The following CDH1 variants were observed in gnomAD, a reference collection of about 807,000 sequenced individuals.
CDH1 encodes cadherin-1.
A neutral mutation model predicts 84.5 loss-of-function variants in CDH1; 35 were observed. The observed-to-expected ratio is 0.41, with a 90% CI of 0.32 to 0.55. CDH1 has a LOEUF of 0.55. CDH1 is among the 20% of genes least tolerant of loss of function. The probability of loss-of-function intolerance (pLI) is 0.19; values close to 1 mark genes in which losing one functional copy is unlikely to be tolerated. For synonymous variants in CDH1, 417 were observed against 439.0 expected, an observed-to-expected ratio of 0.95 and a Z score of 0.63; for missense variants, 994 against 1,126.6, an observed-to-expected ratio of 0.88 and a Z score of 1.68.
At chr16:68,745,548 A>AT (rs1260666737) in intron 2 of CDH1, among the ~76,000 whole-genome samples, 3,183 of 72,906 alleles carry the variant, frequency 0.044, 244 homozygotes, top group African/African-American at 0.13. Flanking sequence ...AAAAAAAAAA[A>AT]AATATATATA....
At position 68,786,121 on chromosome 16, in the gene CDH1, C is replaced by T. The variant is rs535199297; in HGVS notation, c.164-15549C>T. On this transcript the variant is annotated intron_variant, in intron 2 of 15. Coordinates refer to ENST00000261769, the MANE Select transcript of CDH1 (RefSeq NM_004360.5). ...GAGTCAGATTCTGGCACCTGTGGGT[C>T]ACTCTTCTTCATGCTCTTTTCTTTT... Among the ~76,000 whole-genome samples, 8 of 152,120 alleles carry T rather than the reference C, an allele frequency of 5.3e-5. No homozygotes were observed. The South Asian group carries it at 1.7e-3, about 32-fold the overall frequency.
chr16:68,821,267 G>T (rs1961135575), intron 11 of CDH1, among the ~76,000 whole-genome samples: 1 of 152,050 alleles, frequency 6.6e-6, no homozygotes, highest in Non-Finnish European at 1.5e-5. Flanking sequence ...GAGCTCAAGA[G>T]TTCAAGACCA....
chr16:68,767,733 T>C (rs989926704), intron 2 of CDH1, among the ~76,000 whole-genome samples: 3 of 152,222 alleles, frequency 2.0e-5, no homozygotes, highest in Admixed American at 6.5e-5. Flanking sequence ...AGATGCATAA[T>C]TGCATAATAG....
intron 2 of CDH1, among the ~76,000 whole-genome samples, chr16:68,761,779 G>A (rs774550380): frequency 2.6e-5 from 4 of 152,100 alleles, no homozygotes; most frequent in East Asian, 1.9e-4. Context: ...AGGGGAGGGC[G>A]TTCTAGATGG....
chr16:68,821,910 C>T (rs530904694), intron 11 of CDH1, 91 bp from the exon 12 acceptor site: 16 of 1,027,514 alleles, frequency 1.6e-5, no homozygotes, highest in African/African-American at 1.3e-4. Context: ...CACTGAAGAG[C>T]CAGGACAAGA....
chr16:68,806,927 A>G (rs147715602), intron 3 of CDH1, among the ~76,000 whole-genome samples: 1 of 152,280 alleles, frequency 6.6e-6, no homozygotes, highest in Non-Finnish European at 1.5e-5. Context: ...ACCTGGTCAT[A>G]TCTCACATGT....
intron 13 of CDH1, among the ~76,000 whole-genome samples, chr16:68,827,117 A>G (rs1199876540): frequency 6.6e-6 from 1 of 152,046 alleles, no homozygotes; most frequent in Non-Finnish European, 1.5e-5. Context: ...CTAAAAATAC[A>G]AAAATTAGCT....
rs1961582984 is a variant in CDH1 at position 68,834,364 on chromosome 16, G to A, written c.*865G>A. ...TGTAACCTCAAACTCTGGGGCTCAA[G>A]CAGTTCTCCCACCAGCCTCCTTTTT... On this transcript the variant is annotated 3_prime_UTR_variant, in exon 16 of 16. Coordinates refer to ENST00000261769, the MANE Select transcript of CDH1 (RefSeq NM_004360.5). 4.3e-6 allele frequency: 2 copies of A among 461,260 alleles called. No individual in the cohort carries two copies. Among genetic ancestry groups the A allele is most frequent in the East Asian group, 4.7e-5 (1 of 21,180 alleles). The allele number at this position is 461,260 out of a possible 1,614,324, so 28.6% of individuals were successfully genotyped here.
intron 2 of CDH1, among the ~76,000 whole-genome samples, chr16:68,774,445 G>T (rs1168005840): frequency 6.6e-6 from 1 of 152,022 alleles, no homozygotes; most frequent in Non-Finnish European, 1.5e-5. Flanking sequence ...GCTTGAACCC[G>T]GGAGGCAGAG....
chr16:68,737,327 C>T lies in CDH1; in HGVS notation c.-89C>T, dbSNP rs953482511. 3.4e-5 allele frequency: 38 copies of T among 1,118,068 alleles called. No individual in the cohort carries two copies. The highest frequency in any genetic ancestry group is 4.8e-5 in the African/African-American group (3 of 62,492). 69.3% of individuals were successfully genotyped at this position (1,118,068 alleles called of 1,614,324 possible). On this transcript the variant is annotated 5_prime_UTR_variant, in exon 1 of 16. Transcript: ENST00000261769. ...GAACTGCAAAGCACCTGTGAGCTTG[C>T]GGAAGTCAGTTCAGACTCCAGCCCG...
chr16:68,808,976 C>T, intron 5 of CDH1, 128 bp downstream of exon 5: 1 of 847,610 alleles, frequency 1.2e-6, no homozygotes, highest in Non-Finnish European at 1.9e-6. Context: ...ACCTCTTGAC[C>T]TGTTGCTAAG....
intron 6 of CDH1, 145 bp downstream of exon 6, chr16:68,810,486 A>G: frequency 1.4e-6 from 1 of 725,798 alleles, no homozygotes; most frequent in Non-Finnish European, 2.5e-6. Context: ...GTTGTGTTAT[A>G]TGCATGTGTG....
At chr16:68,777,045 C>T (rs1959752002) in intron 2 of CDH1, among the ~76,000 whole-genome samples, 1 of 152,152 alleles carries the variant, frequency 6.6e-6, no homozygotes, top group Non-Finnish European at 1.5e-5. Context: ...TGTTGCTGTT[C>T]CAAATGCAAC....
chr16:68,812,456 G>A (rs1018526829), intron 8 of CDH1, among the ~76,000 whole-genome samples, 193 bp downstream of exon 8: 2 of 152,226 alleles, frequency 1.3e-5, no homozygotes, highest in African/African-American at 4.8e-5. Context: ...TTGGCCTGGG[G>A]CCAATTGGTG....
intron 8 of CDH1, among the ~76,000 whole-genome samples, chr16:68,812,820 C>T (rs893334934): frequency 2.0e-5 from 3 of 152,088 alleles, no homozygotes; most frequent in Non-Finnish European, 2.9e-5. Flanking sequence ...GCTGGTGGAT[C>T]CCTTGAGGAT....
At chr16:68,827,611 C>A (rs1334474275) in intron 13 of CDH1, among the ~76,000 whole-genome samples, 3 of 152,092 alleles carry the variant, frequency 2.0e-5, no homozygotes, top group African/African-American at 2.4e-5. Flanking sequence ...GTCTCTGTCC[C>A]ACTCCCCATA....
intron 2 of CDH1, among the ~76,000 whole-genome samples, chr16:68,751,075 A>G (rs1962873429): frequency 6.6e-6 from 1 of 151,964 alleles, no homozygotes; most frequent in Non-Finnish European, 1.5e-5. Context: ...TGGTCTCCCC[A>G]CTTATTCCTT....
chr16:68,778,710 T>C (rs1959797647), intron 2 of CDH1, among the ~76,000 whole-genome samples: 1 of 151,798 alleles, frequency 6.6e-6, no homozygotes, highest in African/African-American at 2.4e-5. Flanking sequence ...CTTAAAAGGG[T>C]GTTTAAAAGA....
intron 9 of CDH1, among the ~76,000 whole-genome samples, chr16:68,814,962 A>C (rs1960943793): frequency 6.7e-6 from 1 of 150,328 alleles, no homozygotes; most frequent in Admixed American, 6.7e-5. Context: ...GCAGTTGCTG[A>C]TGTCTGTAAT....
Sources: allele counts gnomAD v4.1 joint callset (sites outside exome capture counted in the v4.1 genomes callset), GRCh38; gene constraint gnomAD v4.1.1; transcripts MANE v1.5; gene names NCBI Gene and HGNC (gene_info 2026-07-23, HGNC 2026-07-21).